SH2B3: variants seen among roughly 807,000 people sequenced by gnomAD.
The protein encoded by SH2B3 is SH2B adapter protein 3.
SH2B3 carries 43 observed loss-of-function variants against 51.9 expected under a neutral mutation model. The observed-to-expected ratio is 0.83, with a 90% CI of 0.65 to 1.07. The LOEUF is 1.07. SH2B3 is among the 50% of genes least tolerant of loss of function. SH2B3 has a pLI of 0.00. For missense variants in SH2B3, 952 were observed against 834.3 expected, an observed-to-expected ratio of 1.14 and a Z score of -1.74; for synonymous variants, 396 against 376.0, an observed-to-expected ratio of 1.05 and a Z score of -0.62.
chr12:111,435,784 G>T lies in SH2B3; in HGVS notation c.733-10969G>T, dbSNP rs544318063. On this transcript the variant is annotated intron_variant, in intron 2 of 7. Coordinates refer to ENST00000341259, the MANE Select transcript of SH2B3 (RefSeq NM_005475.3). This position sits in a 1 kb window ranked among gnomAD's most constrained non-coding sequence, Gnocchi z 4.8. Reference sequence around the variant, plus strand: ...GCCTTGTGGTGGCGAGGCGCAGAAGGCGTCACCTGAAAAAGGTGTGGCCAA... The same window carrying T: ...GCCTTGTGGTGGCGAGGCGCAGAAGTCGTCACCTGAAAAAGGTGTGGCCAA... 1.3e-5 allele frequency among the ~76,000 whole-genome samples: 2 copies of T among 152,326 alleles called. No individual in the cohort carries two copies. The highest frequency in any genetic ancestry group is 3.9e-4 in the East Asian group (2 of 5,174).
At chr12:111,424,298 A>T (rs886641253) in intron 2 of SH2B3, among the ~76,000 whole-genome samples, 3 of 151,826 alleles carry the variant, frequency 2.0e-5, no homozygotes, top group African/African-American at 7.3e-5. Flanking sequence ...CCTACCCCAT[A>T]GGGCTGTGTG....
Position 111,418,981 on chromosome 12 carries a change from CCA to C in SH2B3, c.732+107_732+108del. On this transcript the variant is annotated intron_variant, in intron 2 of 7. Coordinates refer to ENST00000341259, the MANE Select transcript of SH2B3 (RefSeq NM_005475.3). The surrounding 1 kb of genome is among the most constrained non-coding windows in gnomAD (Gnocchi z 6.7). The stretch of plus-strand genomic sequence containing the variant: ...GGTGTGATGGCTTTCCAGCTGGTGG[CCA>C]CAGAGTGTCCAGAGGGAACTAGGCC... The C allele has an allele frequency of 1.8e-6, 2 of 1,121,726 alleles. No individual in the cohort carries two copies. Among genetic ancestry groups the C allele is most frequent in the Admixed American group, 4.2e-5 (1 of 23,676 alleles). 69.5% of individuals were successfully genotyped at this position (1,121,726 alleles called of 1,614,324 possible). A position where few individuals can be genotyped will look rare whatever the true frequency, so the allele number is the denominator to read the frequency against.
At chr12:111,424,072 A>G (rs979219889) in intron 2 of SH2B3, among the ~76,000 whole-genome samples, 2 of 152,236 alleles carry the variant, frequency 1.3e-5, no homozygotes, top group African/African-American at 4.8e-5. Context: ...AGATCGTGCT[A>G]CTGCACTCTA....
intron 1 of SH2B3, among the ~76,000 whole-genome samples, chr12:111,416,973 C>T (rs112455475): frequency 7.2e-5 from 11 of 152,344 alleles, no homozygotes; most frequent in African/African-American, 2.6e-4. Context: ...TCTTGCCCAC[C>T]ATTTACAAAA....
In SH2B3 at chr12:111,447,541, C is replaced by T; in HGVS notation, c.1233C>T (p.Ala411=). The change falls in exon 6 of 8, where the codon GCC becomes GCT. Residue 411 remains alanine (A), a synonymous_variant. Transcript: ENST00000341259. ...YVLTFNFQGI[A]KHLRLSLTER... is the part of the protein sequence containing the mutation. The stretch of plus-strand genomic sequence containing the variant: ...TCACTTTCAACTTTCAGGGGATAGC[C>T]AAGGTATGGGGTGGGGTGGGGTGGG... The T allele has an allele frequency of 1.4e-6, 1 of 709,020 alleles. No homozygotes were observed. Among genetic ancestry groups the T allele is most frequent in the African/African-American group, 3.3e-5 (1 of 30,746 alleles). 43.9% of individuals were successfully genotyped at this position (709,020 alleles called of 1,614,324 possible). A position where few individuals can be genotyped will look rare whatever the true frequency, so the allele number is the denominator to read the frequency against.
Position 111,447,456 on chromosome 12 carries a change from C to A in SH2B3, c.1148C>A (p.Pro383His). The A allele has an allele frequency of 6.2e-7, 1 of 1,610,886 alleles. No individual in the cohort carries two copies. Among genetic ancestry groups the A allele is most frequent in the Non-Finnish European group, 8.5e-7 (1 of 1,179,428 alleles). ...KAAQLVQLQG[P>H]DAHGVFLVRQ... ...GCTCAGCTGGTTCAGCTGCAGGGCC[C>A]TGATGCTCATGGAGTGTTCCTGGTG... Residue 383 changes from proline to histidine, a missense_variant, in exon 6 of 8, where the codon CCT becomes CAT. Physicochemically the swap from Pro to His is moderately conservative, Grantham distance 77 (BLOSUM62 -2). Transcript: ENST00000341259.
intron 7 of SH2B3, 44 bp downstream of exon 7, chr12:111,447,871 G>T (rs755715224): frequency 2.5e-6 from 4 of 1,589,714 alleles, no homozygotes; most frequent in Non-Finnish European, 3.4e-6. Flanking sequence ...GCTGACACTG[G>T]GTAGAGGGTA....
chr12:111,439,604 G>A lies in SH2B3; in HGVS notation c.733-7149G>A, dbSNP rs190518982. Among the ~76,000 whole-genome samples the A allele has an allele frequency of 4.9e-4, 74 of 152,280 alleles. 1 individual carries two copies. Among genetic ancestry groups the A allele is most frequent in the Non-Finnish European group, 9.1e-4 (62 of 68,034 alleles). ...CAGCCGGGAGTTTCTTTTGAGATGA[G>A]ATTTTGCTCTGTTGTCGAGGCTGGA... On this transcript the variant is annotated intron_variant, in intron 2 of 7. Transcript: ENST00000341259.
chr12:111,427,151 G>A (rs1019778690), intron 2 of SH2B3, among the ~76,000 whole-genome samples: 2 of 152,130 alleles, frequency 1.3e-5, no homozygotes, highest in Non-Finnish European at 2.9e-5. Context: ...TTTGGGAGGC[G>A]AAGGCAGATG....
intron 2 of SH2B3, among the ~76,000 whole-genome samples, chr12:111,440,191 G>A (rs1347182653): frequency 6.6e-6 from 1 of 152,236 alleles, no homozygotes; most frequent in African/African-American, 2.4e-5. Flanking sequence ...ACCCTGTGCT[G>A]TGTTCCCTCC....
chr12:111,418,841 C>T lies in SH2B3; in HGVS notation c.696C>T (p.Gly232=). The T allele has an allele frequency of 7.0e-7, 1 of 1,418,452 alleles. No individual in the cohort carries two copies. Among genetic ancestry groups the T allele is most frequent in the South Asian group, 1.5e-5 (1 of 66,892 alleles). 87.9% of individuals were successfully genotyped at this position (1,418,452 alleles called of 1,614,324 possible). A position where few individuals can be genotyped will look rare whatever the true frequency, so the allele number is the denominator to read the frequency against. ...TGCGCCGGGCCCCGGGCCCCGATGGCCCCGACCGCGTGCTGGAGCTCTTCG... is the reference window on the plus strand; with the variant it reads ...TGCGCCGGGCCCCGGGCCCCGATGGTCCCGACCGCGTGCTGGAGCTCTTCG... ...LALRRAPGPD[G]PDRVLELFDP... Residue 232 remains glycine (G), a synonymous_variant, in exon 2 of 8, where the codon GGC becomes GGT. Coordinates refer to ENST00000341259, the MANE Select transcript of SH2B3 (RefSeq NM_005475.3). This position sits in a 1 kb window ranked among gnomAD's most constrained non-coding sequence, Gnocchi z 6.7.
At position 111,429,110 on chromosome 12, in the gene SH2B3, C is replaced by T. The variant is rs1292755360; in HGVS notation, c.732+10233C>T. On this transcript the variant is annotated intron_variant, in intron 2 of 7. Transcript: ENST00000341259. This position sits in a 1 kb window ranked among gnomAD's most constrained non-coding sequence, Gnocchi z 4.4. ...GCCTCGGGCTCTGACAGGCGCGGCC[C>T]TGGCCTGCCCCTGCCCTTCTGAGCC... is the stretch of plus-strand genomic sequence containing the variant. Among the ~76,000 whole-genome samples, 1 of 151,922 alleles carries T rather than the reference C, an allele frequency of 6.6e-6. No homozygotes were observed. The highest frequency in any genetic ancestry group is 6.6e-5 in the Admixed American group (1 of 15,262).
At chr12:111,427,388 GAAAAAAAAAA>G (rs557658468) in intron 2 of SH2B3, among the ~76,000 whole-genome samples, 10,740 of 83,004 alleles carry the variant, frequency 0.13, 1,744 homozygotes, top group African/African-American at 0.38. Context: ...TCCATCTCAG[GAAAAAAAAAA>G]AAAAAAAAAA....
In SH2B3 at chr12:111,418,392, C is replaced by A. The variant is rs1412834879; in HGVS notation, c.247C>A (p.Arg83=). 1.3e-6 allele frequency: 2 copies of A among 1,498,188 alleles called. No homozygotes were observed. The highest frequency in any genetic ancestry group is 2.1e-5 in the Admixed American group (1 of 47,356). The allele number at this position is 1,498,188 out of a possible 1,614,324, so 92.8% of individuals were successfully genotyped here. A position where few individuals can be genotyped will look rare whatever the true frequency, so the allele number is the denominator to read the frequency against. ...RYFCREVRDG[R]APGRDYRDTG... The stretch of plus-strand genomic sequence containing the variant: ...CTTCTGCCGCGAGGTGCGCGACGGA[C>A]GGGCGCCGGGCCGCGACTACCGGGA... The change falls in exon 2 of 8, where the codon CGG becomes AGG. Residue 83 remains arginine, a synonymous_variant. Transcript: ENST00000341259. This position sits in a 1 kb window ranked among gnomAD's most constrained non-coding sequence, Gnocchi z 6.7.
In SH2B3 at chr12:111,448,094, C is replaced by G. The variant is rs997914200; in HGVS notation, c.1520C>G (p.Pro507Arg). 9 of 1,613,992 alleles carry G rather than the reference C, an allele frequency of 5.6e-6. No individual in the cohort carries two copies. Among genetic ancestry groups the G allele is most frequent in the Non-Finnish European group, 6.8e-6 (8 of 1,180,014 alleles). ...GLPHLSSSGCPRGLSPEGLPG... is the reference protein window; with the variant it reads ...GLPHLSSSGCRRGLSPEGLPG... ...CCCCACCTTAGTTCTTCTGGCTGTC[C>G]CCGGGGGCTCAGCCCAGAGGGTCTC... The change falls in exon 8 of 8, where the codon CCC becomes CGC. Residue 507 changes from proline to arginine, a missense_variant. By Grantham distance (103) the Pro-to-Arg change is moderately radical. Coordinates refer to ENST00000341259, the MANE Select transcript of SH2B3 (RefSeq NM_005475.3).
At chr12:111,417,057 T>C (rs1413538817) in intron 1 of SH2B3, among the ~76,000 whole-genome samples, 1 of 152,218 alleles carries the variant, frequency 6.6e-6, no homozygotes, top group Admixed American at 6.5e-5. Context: ...TAGGGTGTCT[T>C]GTTCTGCCGT....
Position 111,438,725 on chromosome 12 carries a change from C to T in SH2B3, c.733-8028C>T, listed in dbSNP as rs986880433. 6.6e-6 allele frequency among the ~76,000 whole-genome samples: 1 copy of T among 152,112 alleles called. No homozygotes were observed. The highest frequency in any genetic ancestry group is 6.5e-5 in the Admixed American group (1 of 15,278). On this transcript the variant is annotated intron_variant, in intron 2 of 7. Coordinates refer to ENST00000341259, the MANE Select transcript of SH2B3 (RefSeq NM_005475.3). The surrounding 1 kb of genome is among the most constrained non-coding windows in gnomAD (Gnocchi z 4.2). ...CAGGGAAGGAAGTGAAGGGGCTTTGCGGCTCAGGATTTAGATACTGTGGTC... is the reference window on the plus strand; with the variant it reads ...CAGGGAAGGAAGTGAAGGGGCTTTGTGGCTCAGGATTTAGATACTGTGGTC...
intron 1 of SH2B3, among the ~76,000 whole-genome samples, chr12:111,411,369 A>AG (rs1424456998): frequency 2.0e-5 from 3 of 152,138 alleles, no homozygotes; most frequent in African/African-American, 4.8e-5. Flanking sequence ...AAAAAAAAAA[A>AG]AAAATCCTCC....
chr12:111,440,784 C>G (rs1286472346), intron 2 of SH2B3, among the ~76,000 whole-genome samples: 2 of 152,238 alleles, frequency 1.3e-5, no homozygotes, highest in Non-Finnish European at 2.9e-5. Flanking sequence ...CTTCTTGAGC[C>G]TCTGGTGCAT....
Sources: gnomAD v4.1 joint callset for allele counts (sites outside exome capture counted in the v4.1 genomes callset) on GRCh38, gnomAD v4.1.1 for gene constraint, Gnocchi (gnomAD v3.1) non-coding constraint, MANE v1.5 for transcripts, NCBI Gene and HGNC (gene_info 2026-07-23, HGNC 2026-07-21) for gene names.